Variants in EYS observed in about 807,000 individuals in gnomAD.
EYS encodes EGF-like photoreceptor maintenance factor, also known as protein eyes shut homolog.
EYS carries 250 observed loss-of-function variants against 282.1 expected under a neutral mutation model. That is an observed-to-expected ratio of 0.89 (90% CI 0.80 to 0.98). The LOEUF (loss-of-function observed/expected upper bound fraction) is 0.98, where lower values mean the gene tolerates loss of function less well. EYS is among the 50% of genes least tolerant of loss of function. EYS has a pLI of 0.00. For synonymous variants in EYS, 1,355 were observed against 1,282.9 expected, an observed-to-expected ratio of 1.06 and a Z score of -1.20; for missense variants, 4,016 against 3,709.0, an observed-to-expected ratio of 1.08 and a Z score of -2.15.
chr6:65,329,751 T>C (rs1367396228), intron 11 of EYS: 1 of 976,086 alleles, frequency 1.0e-6, no homozygotes, highest in Non-Finnish European at 1.2e-6. Flanking sequence ...ATTAGACTTT[T>C]GGGATCAGAA....
intron 35 of EYS, among the ~76,000 whole-genome samples, chr6:63,953,864 G>T (rs1229242873): frequency 6.6e-6 from 1 of 152,096 alleles, no homozygotes; most frequent in Admixed American, 6.6e-5. Flanking sequence ...AAACAACTTG[G>T]CCTTACTGTT....
rs531712829 is a variant in EYS, at chr6:65,197,938, A to G, written c.2023+97925T>C. ...TACATTAATTTTTTTTCTTTCTTCTATAATAAATTCATCTTAGCTAACAGC... is the reference window on the plus strand; with the variant it reads ...TACATTAATTTTTTTTCTTTCTTCTGTAATAAATTCATCTTAGCTAACAGC... On this transcript the variant is annotated intron_variant, in intron 12 of 42. Coordinates refer to ENST00000503581, the MANE Select transcript of EYS (RefSeq NM_001142800.2). Among the ~76,000 whole-genome samples the G allele has an allele frequency of 1.1e-4, 16 of 152,206 alleles. 1 individual carries two copies. Among genetic ancestry groups the G allele is most frequent in the African/African-American group, 3.6e-4 (15 of 41,544 alleles).
intron 26 of EYS, among the ~76,000 whole-genome samples, chr6:64,546,734 AAAG>A (rs1008412886): frequency 6.6e-6 from 1 of 152,226 alleles, no homozygotes; most frequent in African/African-American, 2.4e-5. Context: ...CACTTCTCAA[AAAG>A]AAGACATTTA....
chr6:64,906,218 G>T (rs934200745), intron 16 of EYS, among the ~76,000 whole-genome samples: 1 of 150,972 alleles, frequency 6.6e-6, no homozygotes, highest in African/African-American at 2.4e-5. Context: ...TGAATATACA[G>T]AATTAATATT....
At chr6:65,056,751 A>T (rs1773428715) in intron 13 of EYS, among the ~76,000 whole-genome samples, 2 of 152,266 alleles carry the variant, frequency 1.3e-5, no homozygotes, top group South Asian at 4.1e-4. Flanking sequence ...TTGTTAGAAC[A>T]TTGTTGGAAA....
chr6:64,075,920 C>T (rs1319032770), intron 32 of EYS, among the ~76,000 whole-genome samples: 1 of 151,840 alleles, frequency 6.6e-6, no homozygotes, highest in Non-Finnish European at 1.5e-5. Flanking sequence ...ATCTATGTGG[C>T]CCATGGACCA....
At position 64,435,699 on chromosome 6, in the gene EYS, T is replaced by C. The variant is rs139626921; in HGVS notation, c.5927+475A>G. ...CTTATCAGATTGGCAAACTGATTTA[T>C]TTCAGATGTTCATGAGCATTTGGGG... On this transcript the variant is annotated intron_variant, in intron 28 of 42. Coordinates refer to ENST00000503581, the MANE Select transcript of EYS (RefSeq NM_001142800.2). 4.0e-5 allele frequency among the ~76,000 whole-genome samples: 6 copies of C among 151,600 alleles called. No individual in the cohort carries two copies. The East Asian group carries it at 1.2e-3, about 30-fold the overall frequency.
rs1032347546 is a variant in EYS, at chr6:65,707,169, G to A, written c.-482C>T. 88 of 152,214 alleles carry A rather than the reference G, an allele frequency of 5.8e-4. No homozygotes were observed. Among genetic ancestry groups the A allele is most frequent in the African/African-American group, 1.9e-3 (77 of 41,558 alleles). The allele number at this position is 152,214 out of a possible 1,614,324, so 9.4% of individuals were successfully genotyped here. Reference sequence around the variant, plus strand: ...TAGCCAAGGAGGCTTGCAACCCTAGGAGGCTTCTGATTACGGTTAATGTCT... The same window carrying A: ...TAGCCAAGGAGGCTTGCAACCCTAGAAGGCTTCTGATTACGGTTAATGTCT... On this transcript the variant is annotated 5_prime_UTR_variant, in exon 1 of 43. Coordinates refer to ENST00000503581, the MANE Select transcript of EYS (RefSeq NM_001142800.2).
intron 36 of EYS, among the ~76,000 whole-genome samples, chr6:63,839,814 C>T (rs922333411): frequency 1.3e-5 from 2 of 152,156 alleles, no homozygotes; most frequent in Non-Finnish European, 2.9e-5. Flanking sequence ...TCCACAATGG[C>T]TGGACTAGTT....
At chr6:64,332,183 C>A (rs933178328) in intron 29 of EYS, among the ~76,000 whole-genome samples, 8 of 152,144 alleles carry the variant, frequency 5.3e-5, no homozygotes, top group South Asian at 2.1e-4. Flanking sequence ...CAGGTGCTGC[C>A]CGTGGTCCTT....
intron 35 of EYS, among the ~76,000 whole-genome samples, chr6:63,947,082 T>G (rs1765421118): frequency 6.6e-6 from 1 of 152,116 alleles, no homozygotes. Flanking sequence ...TGGAAATTCT[T>G]ATTTTGTAAA....
At chr6:65,270,427 A>G (rs1049531668) in intron 12 of EYS, among the ~76,000 whole-genome samples, 2 of 152,078 alleles carry the variant, frequency 1.3e-5, no homozygotes, top group Admixed American at 6.6e-5. Flanking sequence ...CCCTCTGCTC[A>G]TGGTTTTGAG....
At chr6:65,212,757 TAA>T (rs992573585) in intron 12 of EYS, among the ~76,000 whole-genome samples, 1 of 152,076 alleles carries the variant, frequency 6.6e-6, no homozygotes, top group African/African-American at 2.4e-5. Context: ...AGAGTTATCT[TAA>T]GAGGACATGT....
intron 13 of EYS, among the ~76,000 whole-genome samples, chr6:65,005,207 C>T (rs9342455): frequency 0.078 from 11,509 of 147,760 alleles, 1,800 homozygotes; most frequent in East Asian, 0.17. Context: ...TCCAGCGAGG[C>T]GCCCATTGCC....
At chr6:63,726,320 T>A (rs1209668531) in intron 42 of EYS, among the ~76,000 whole-genome samples, 199 bp downstream of exon 42, 2 of 152,220 alleles carry the variant, frequency 1.3e-5, no homozygotes, top group African/African-American at 2.4e-5. Flanking sequence ...TTTGCAAACT[T>A]TAATTCCAAC....
chr6:65,420,475 G>T (rs902489692), intron 5 of EYS, among the ~76,000 whole-genome samples: 1 of 151,840 alleles, frequency 6.6e-6, no homozygotes, highest in African/African-American at 2.4e-5. Context: ...CACTACATTT[G>T]CAGTTGCTTC....
At chr6:64,030,917 C>G (rs1769794027) in intron 33 of EYS, among the ~76,000 whole-genome samples, 1 of 152,230 alleles carries the variant, frequency 6.6e-6, no homozygotes, top group Non-Finnish European at 1.5e-5. Context: ...TCGTCCCTAT[C>G]CAGCAGGAAG....
intron 19 of EYS, among the ~76,000 whole-genome samples, chr6:64,836,612 A>C (rs1052600855): frequency 6.6e-6 from 1 of 151,610 alleles, no homozygotes; most frequent in African/African-American, 2.4e-5. Context: ...TTTCATAAAA[A>C]AGATAAAAAT....
chr6:64,223,752 G>A (rs958536034), intron 31 of EYS, among the ~76,000 whole-genome samples: 1 of 152,092 alleles, frequency 6.6e-6, no homozygotes, highest in East Asian at 1.9e-4. Flanking sequence ...TACACGTAAT[G>A]TATATAATAA....
Sources: gnomAD v4.1 joint callset for allele counts (sites outside exome capture counted in the v4.1 genomes callset) on GRCh38, gnomAD v4.1.1 for gene constraint, MANE v1.5 for transcripts, NCBI Gene and HGNC (gene_info 2026-07-23, HGNC 2026-07-21) for gene names.